The following PACS1 variants were observed in gnomAD, a reference collection of about 807,000 sequenced individuals.
The protein encoded by PACS1 is PACS-1.
PACS1 carries 24 observed loss-of-function variants against 115.0 expected under a neutral mutation model. That is an observed-to-expected ratio of 0.21 (90% confidence interval 0.15 to 0.29). The LOEUF (loss-of-function observed/expected upper bound fraction) is 0.29, where lower values mean the gene tolerates loss of function less well. Ranked by LOEUF, PACS1 falls within the 10% of genes least tolerant of loss-of-function variation. PACS1 has a pLI of 1.00. For synonymous variants in PACS1, 453 were observed against 504.5 expected, an observed-to-expected ratio of 0.90 and a Z score of 1.37; for missense variants, 838 against 1,251.2, an observed-to-expected ratio of 0.67 and a Z score of 4.98.
rs895513751 is a variant in PACS1, at chr11:66,221,328, C to A, written c.1293+81C>A. ...CGCTCTGGCCCTCTGCATCTCTGAT[C>A]AGGGCTCATGTTGTGACCTTAGAAA... On this transcript the variant is annotated intron_variant, in intron 10 of 23. Coordinates refer to ENST00000320580, the MANE Select transcript of PACS1 (RefSeq NM_018026.4). 4.1e-6 allele frequency: 5 copies of A among 1,210,302 alleles called. No homozygotes were observed. The African/African-American group carries it at 4.5e-5, about 11-fold the overall frequency. 75.0% of individuals were successfully genotyped at this position (1,210,302 alleles called of 1,614,324 possible). A position where few individuals can be genotyped will look rare whatever the true frequency, so the allele number is the denominator to read the frequency against.
chr11:66,186,420 C>T (rs944039945), intron 1 of PACS1, among the ~76,000 whole-genome samples: 6 of 152,200 alleles, frequency 3.9e-5, no homozygotes, highest in African/African-American at 1.4e-4. Context: ...TTCCCCTCAA[C>T]CTAGAACTTC....
intron 1 of PACS1, among the ~76,000 whole-genome samples, chr11:66,163,047 C>T (rs1474156497): frequency 2.0e-5 from 3 of 152,034 alleles, no homozygotes; most frequent in Admixed American, 1.3e-4. Flanking sequence ...TGCAGTTTCT[C>T]CTTAAAAATA....
chr11:66,096,624 C>T lies in PACS1; in HGVS notation c.356+25782C>T, dbSNP rs1371304715. Among the ~76,000 whole-genome samples the T allele has an allele frequency of 4.0e-5, 6 of 151,854 alleles. No homozygotes were observed. In the East Asian group the frequency reaches 1.2e-3, roughly 29 times the overall value. ...GTTCAAGCGATTCTCCTGCCTCAACCTCCCTTGTAGCTGGGATTACAGGCA... is the reference window on the plus strand; with the variant it reads ...GTTCAAGCGATTCTCCTGCCTCAACTTCCCTTGTAGCTGGGATTACAGGCA... On this transcript the variant is annotated intron_variant, in intron 1 of 23. Coordinates refer to ENST00000320580, the MANE Select transcript of PACS1 (RefSeq NM_018026.4).
At chr11:66,094,780 C>T (rs1306059290) in intron 1 of PACS1, among the ~76,000 whole-genome samples, 12 of 152,166 alleles carry the variant, frequency 7.9e-5, no homozygotes, top group African/African-American at 2.2e-4. Flanking sequence ...TGATGAACAT[C>T]GATGCAAAAA....
At chr11:66,161,421 C>G (rs1037650246) in intron 1 of PACS1, among the ~76,000 whole-genome samples, 1 of 152,102 alleles carries the variant, frequency 6.6e-6, no homozygotes, top group African/African-American at 2.4e-5. Context: ...CTGCTGTACT[C>G]TAGCCTGAGG....
At chr11:66,232,769 G>A (rs921776351) in intron 14 of PACS1, among the ~76,000 whole-genome samples, 191 bp from the exon 15 acceptor site, 1 of 152,190 alleles carries the variant, frequency 6.6e-6, no homozygotes, top group Non-Finnish European at 1.5e-5. Flanking sequence ...CACACTCTGC[G>A]TGTCTCGTGG....
chr11:66,093,682 T>C (rs1359592691), intron 1 of PACS1, among the ~76,000 whole-genome samples: 1 of 150,400 alleles, frequency 6.6e-6, no homozygotes, highest in African/African-American at 2.4e-5. Flanking sequence ...AACTCACCTC[T>C]GCACCAAGCG....
intron 1 of PACS1, among the ~76,000 whole-genome samples, chr11:66,108,295 G>A (rs890173221): frequency 1.3e-5 from 2 of 152,094 alleles, no homozygotes; most frequent in Non-Finnish European, 2.9e-5. Context: ...GCATATGTAA[G>A]CCCTTGTGTC....
chr11:66,171,736 C>T (rs1382036479), intron 1 of PACS1, among the ~76,000 whole-genome samples: 2 of 150,034 alleles, frequency 1.3e-5, no homozygotes, highest in South Asian at 2.1e-4. Flanking sequence ...CCCACCACCA[C>T]GCCCCGCTAA....
intron 1 of PACS1, among the ~76,000 whole-genome samples, chr11:66,132,262 T>C (rs1388171622): frequency 6.6e-6 from 1 of 152,180 alleles, no homozygotes; most frequent in African/African-American, 2.4e-5. Flanking sequence ...CACACACCTC[T>C]GTCTCCTGCC....
intron 1 of PACS1, among the ~76,000 whole-genome samples, chr11:66,170,063 T>C (rs896895017): frequency 6.6e-6 from 1 of 150,714 alleles, no homozygotes; most frequent in African/African-American, 2.5e-5. Context: ...TATATGTTTC[T>C]AGAAATCTAC....
chr11:66,095,570 G>T (rs1224961780), intron 1 of PACS1, among the ~76,000 whole-genome samples: 1 of 152,166 alleles, frequency 6.6e-6, no homozygotes, highest in Non-Finnish European at 1.5e-5. Flanking sequence ...TGATTCTCCT[G>T]CCTCAGCCTC....
intron 10 of PACS1, among the ~76,000 whole-genome samples, chr11:66,226,928 T>G (rs938544868): frequency 7.9e-5 from 12 of 152,220 alleles, no homozygotes; most frequent in Admixed American, 7.9e-4. Flanking sequence ...TTAATATTTA[T>G]GAGAAATGCT....
chr11:66,079,902 C>G (rs140805189), intron 1 of PACS1, among the ~76,000 whole-genome samples: 25 of 152,310 alleles, frequency 1.6e-4, no homozygotes, highest in Admixed American at 7.2e-4. Context: ...AGGGCTTTTG[C>G]ACTTGCTGTT....
At chr11:66,081,741 C>T (rs755926861) in intron 1 of PACS1, among the ~76,000 whole-genome samples, 3 of 152,226 alleles carry the variant, frequency 2.0e-5, no homozygotes, top group African/African-American at 7.2e-5. Flanking sequence ...GTTTTACCTG[C>T]TGACTTCTTT....
chr11:66,185,067 G>A (rs1565138096), intron 1 of PACS1, among the ~76,000 whole-genome samples: 1 of 152,174 alleles, frequency 6.6e-6, no homozygotes, highest in Non-Finnish European at 1.5e-5. Flanking sequence ...GCTTTTATTG[G>A]ACTGCTCTTA....
rs56203680 is a variant in PACS1 at position 66,202,742 on chromosome 11, A to AATATAT, written c.445-7585_445-7580dup. 1.0e-3 allele frequency among the ~76,000 whole-genome samples: 75 copies of AATATAT among 71,520 alleles called. 1 individual carries two copies. The highest frequency in any genetic ancestry group is 2.2e-3 in the African/African-American group (27 of 12,528). The allele number at this position is 71,520 out of a possible 152,430, so 46.9% of individuals were successfully genotyped here. Reference sequence around the variant, plus strand: ...CATCTCTAGGAAAAAAAAAAAAAAAAATATATATATATATATATATATATA... The same window carrying AATATAT: ...CATCTCTAGGAAAAAAAAAAAAAAAAATATATATATATATATATATATATATATATA... On this transcript the variant is annotated intron_variant, in intron 2 of 23. Coordinates refer to ENST00000320580, the MANE Select transcript of PACS1 (RefSeq NM_018026.4).
intron 1 of PACS1, among the ~76,000 whole-genome samples, chr11:66,073,632 A>G (rs1857348377): frequency 6.6e-6 from 1 of 152,220 alleles, no homozygotes. Context: ...CTCTTATTTA[A>G]CATCTGTTAA....
intron 2 of PACS1, among the ~76,000 whole-genome samples, chr11:66,210,107 T>A (rs1043597509): frequency 2.0e-5 from 3 of 151,972 alleles, no homozygotes; most frequent in Non-Finnish European, 4.4e-5. Flanking sequence ...CATGACTCAC[T>A]GCAGGCTTGA....
Sources: allele counts gnomAD v4.1 joint callset (sites outside exome capture counted in the v4.1 genomes callset), GRCh38; gene constraint gnomAD v4.1.1; transcripts MANE v1.5; gene names NCBI Gene and HGNC (gene_info 2026-07-23, HGNC 2026-07-21).